Variants in SORCS2 observed in about 807,000 individuals in gnomAD.
SORCS2 encodes sortilin related VPS10 domain containing receptor 2.
In SORCS2, 100 loss-of-function variants were observed where a neutral mutation model predicts 141.6. The observed-to-expected ratio is 0.71, with a 90% CI of 0.60 to 0.83. The LOEUF is 0.83. SORCS2 is among the 40% of genes least tolerant of loss of function. The probability of loss-of-function intolerance (pLI) is 0.00; values close to 1 mark genes in which losing one functional copy is unlikely to be tolerated. For synonymous variants in SORCS2, 789 were observed against 676.9 expected (o/e 1.17, Z -2.57); for missense variants, 1,646 against 1,560.2 (o/e 1.05, Z -0.93).
At chr4:7,336,104 C>T (rs558370553) in intron 1 of SORCS2, among the ~76,000 whole-genome samples, 7 of 152,342 alleles carry the variant, frequency 4.6e-5, no homozygotes, top group South Asian at 2.1e-4. Context: ...TGCCAGCTTC[C>T]GCGTCCCCAT....
chr4:7,484,854 T>C (rs916156222), intron 2 of SORCS2, among the ~76,000 whole-genome samples: 1 of 151,758 alleles, frequency 6.6e-6, no homozygotes, highest in African/African-American at 2.4e-5. Flanking sequence ...GCAGCCCACC[T>C]CCTCCATGCG....
intron 3 of SORCS2, among the ~76,000 whole-genome samples, chr4:7,622,261 C>A (rs1368410258): frequency 6.6e-6 from 1 of 152,178 alleles, no homozygotes; most frequent in African/African-American, 2.4e-5. Flanking sequence ...GATCGAGGCC[C>A]CCATAGACTA....
At chr4:7,422,559 G>A (rs758829816) in intron 2 of SORCS2, among the ~76,000 whole-genome samples, 1 of 152,118 alleles carries the variant, frequency 6.6e-6, no homozygotes, top group African/African-American at 2.4e-5. Flanking sequence ...GGTGGTCCCA[G>A]GCCCCCTTGG....
At chr4:7,387,406 CAG>C (rs377480100) in intron 1 of SORCS2, among the ~76,000 whole-genome samples, 78 of 60,978 alleles carry the variant, frequency 1.3e-3, no homozygotes, top group African/African-American at 5.6e-3. Flanking sequence ...CACAGATACA[CAG>C]AAATACACAC....
intron 3 of SORCS2, among the ~76,000 whole-genome samples, chr4:7,559,343 A>C (rs1379596880): frequency 6.6e-6 from 1 of 152,106 alleles, no homozygotes; most frequent in East Asian, 1.9e-4. Context: ...AGCTGGATTG[A>C]AGCATCCTGA....
At chr4:7,621,451 CTGTGTGAGTGTTTA>C (rs1719175212) in intron 3 of SORCS2, among the ~76,000 whole-genome samples, 1 of 143,530 alleles carries the variant, frequency 7.0e-6, no homozygotes, top group Non-Finnish European at 1.5e-5. Context: ...ATGTGTGTGT[CTGTGTGAGTGTTTA>C]TGTGTGTGTC....
intron 3 of SORCS2, among the ~76,000 whole-genome samples, chr4:7,563,126 C>G (rs984177486): frequency 1.3e-5 from 2 of 152,156 alleles, no homozygotes; most frequent in Admixed American, 6.5e-5. Flanking sequence ...CTGGCCCTCT[C>G]TCTGCATTGG....
intron 1 of SORCS2, among the ~76,000 whole-genome samples, chr4:7,363,160 C>A (rs1160506705): frequency 6.6e-6 from 1 of 150,378 alleles, no homozygotes; most frequent in Non-Finnish European, 1.5e-5. Context: ...ACTGCCACCA[C>A]CACTACCACC....
At position 7,704,093 on chromosome 4, in the gene SORCS2, T is replaced by A. The variant is rs530657122; in HGVS notation, c.1761-84T>A. ...GGTTGGCTAGTGCAGCCTCCGCCCC[T>A]CCAGCTGGACCCGCCGGGCAGAGTC... is the stretch of plus-strand genomic sequence containing the variant. On this transcript the variant is annotated intron_variant, in intron 13 of 26. Transcript: ENST00000507866. 6.1e-6 allele frequency: 8 copies of A among 1,309,646 alleles called. No homozygotes were observed. In the South Asian group the frequency reaches 1.0e-4, roughly 17 times the overall value. 81.1% of individuals were successfully genotyped at this position (1,309,646 alleles called of 1,614,324 possible).
At chr4:7,559,506 G>C (rs1335648604) in intron 3 of SORCS2, among the ~76,000 whole-genome samples, 1 of 152,162 alleles carries the variant, frequency 6.6e-6, no homozygotes, top group Admixed American at 6.6e-5. Context: ...AGGAGCTGAT[G>C]GGGGCATCAG....
intron 10 of SORCS2, among the ~76,000 whole-genome samples, chr4:7,685,688 A>AATATATATATATATATATAT (rs5855976): frequency 6.7e-6 from 1 of 149,606 alleles, no homozygotes; most frequent in African/African-American, 2.5e-5. Flanking sequence ...AAAATAAATA[A>AATATATATATATATATATAT]ATATATATAT....
chr4:7,425,033 G>T (rs1224143548), intron 2 of SORCS2, among the ~76,000 whole-genome samples: 3 of 152,206 alleles, frequency 2.0e-5, no homozygotes, highest in Non-Finnish European at 4.4e-5. Context: ...GCCGAGCTCA[G>T]GGACACAGGA....
chr4:7,736,314 G>T (rs1712163518), intron 25 of SORCS2, among the ~76,000 whole-genome samples: 1 of 152,256 alleles, frequency 6.6e-6, no homozygotes, highest in South Asian at 2.1e-4. Flanking sequence ...GCAGCTTATA[G>T]GTGATACTGG....
chr4:7,242,550 C>T (rs561335027), intron 1 of SORCS2, among the ~76,000 whole-genome samples: 4 of 152,200 alleles, frequency 2.6e-5, no homozygotes, highest in Admixed American at 6.5e-5. Flanking sequence ...TCCCCAAGCC[C>T]GTCTCTTCCC....
chr4:7,478,513 T>C (rs1269283321), intron 2 of SORCS2, among the ~76,000 whole-genome samples: 1 of 152,114 alleles, frequency 6.6e-6, no homozygotes, highest in Non-Finnish European at 1.5e-5. Flanking sequence ...CTCTTTCCCT[T>C]GAGGCAGGGG....
chr4:7,535,821 G>GGA (rs1560365386), intron 3 of SORCS2, among the ~76,000 whole-genome samples: 2 of 152,164 alleles, frequency 1.3e-5, no homozygotes, highest in African/African-American at 4.8e-5. Context: ...AGGCATGGGG[G>GGA]GCATTGCCCT....
chr4:7,348,530 G>A (rs1222906873), intron 1 of SORCS2, among the ~76,000 whole-genome samples: 1 of 152,154 alleles, frequency 6.6e-6, no homozygotes, highest in Non-Finnish European at 1.5e-5. Context: ...GGCTCATTAG[G>A]AACAAATTTC....
intron 2 of SORCS2, among the ~76,000 whole-genome samples, chr4:7,493,852 G>A (rs1049465569): frequency 1.3e-5 from 2 of 152,220 alleles, no homozygotes; most frequent in Admixed American, 1.3e-4. Flanking sequence ...TAATGCACAT[G>A]CATTGTGTGG....
chr4:7,604,533 G>A (rs1297433970), intron 3 of SORCS2, among the ~76,000 whole-genome samples: 2 of 152,178 alleles, frequency 1.3e-5, no homozygotes, highest in Non-Finnish European at 2.9e-5. Flanking sequence ...TAGCCAGGAT[G>A]GTCTCCATCC....
Sources: gnomAD v4.1 joint callset for allele counts (sites outside exome capture counted in the v4.1 genomes callset) on GRCh38, gnomAD v4.1.1 for gene constraint, MANE v1.5 for transcripts, NCBI Gene and HGNC (gene_info 2026-07-23, HGNC 2026-07-21) for gene names.